SLC13A1: variants seen among roughly 807,000 people sequenced by gnomAD.
The protein encoded by SLC13A1 is solute carrier family 13 member 1.
SLC13A1 carries 65 observed loss-of-function variants against 70.0 expected under a neutral mutation model. The ratio of observed to expected loss-of-function variants is 0.93; its 90% CI spans 0.76 to 1.14. SLC13A1 has a LOEUF of 1.14. Among genes scored for constraint, SLC13A1 ranks in the 50% most tolerant of loss-of-function variants. The pLI is 0.00. For missense variants in SLC13A1, 726 were observed against 717.8 expected (o/e 1.01, Z -0.13); for synonymous variants, 275 against 250.5 (o/e 1.10, Z -0.92).
intron 6 of SLC13A1, among the ~76,000 whole-genome samples, chr7:123,157,351 G>A (rs1215239601): frequency 6.6e-6 from 1 of 152,044 alleles, no homozygotes; most frequent in Non-Finnish European, 1.5e-5. Flanking sequence ...TACATATTGT[G>A]AATTTGGATA....
chr7:123,176,256 A>G (rs1462331180), intron 2 of SLC13A1, among the ~76,000 whole-genome samples: 1 of 152,202 alleles, frequency 6.6e-6, no homozygotes, highest in Non-Finnish European at 1.5e-5. Flanking sequence ...CAGTCAGAAT[A>G]TTTGAGAAGA....
In SLC13A1 at chr7:123,128,832, G is replaced by C. The variant is rs28364204; in HGVS notation, c.1133+13C>G. The C allele has an allele frequency of 6.3e-7, 1 of 1,577,042 alleles. No homozygotes were observed. The highest frequency in any genetic ancestry group is 2.3e-5 in the East Asian group (1 of 44,440). On this transcript the variant is annotated intron_variant, in intron 10 of 14. Coordinates refer to ENST00000194130, the MANE Select transcript of SLC13A1 (RefSeq NM_022444.4). ...AACAGGAAGGGCTGACAAACATAAC[G>C]TGCAAAGCTTACTCTGAAAAAAGTG...
At chr7:123,167,883 A>G (rs1425534117) in intron 6 of SLC13A1, among the ~76,000 whole-genome samples, 3 of 152,236 alleles carry the variant, frequency 2.0e-5, no homozygotes, top group Non-Finnish European at 2.9e-5. Flanking sequence ...AATGAAAATC[A>G]GTCTATTAGG....
chr7:123,122,214 T>C (rs1467455177), intron 12 of SLC13A1, among the ~76,000 whole-genome samples: 1 of 152,096 alleles, frequency 6.6e-6, no homozygotes, highest in East Asian at 1.9e-4. Context: ...TCCAATAAGT[T>C]ATCAAGAAGA....
intron 14 of SLC13A1, 27 bp from the exon 15 acceptor site, chr7:123,115,682 A>T: frequency 1.9e-6 from 3 of 1,611,262 alleles, no homozygotes; most frequent in Non-Finnish European, 2.5e-6. Flanking sequence ...CATAAATGTC[A>T]GTGTCCCAGA....
chr7:123,167,382 G>T (rs562240018), intron 6 of SLC13A1, among the ~76,000 whole-genome samples: 1 of 152,014 alleles, frequency 6.6e-6, no homozygotes, highest in African/African-American at 2.4e-5. Flanking sequence ...TGTAGCTAAT[G>T]GCTTAAAACT....
intron 1 of SLC13A1, among the ~76,000 whole-genome samples, chr7:123,184,001 A>G (rs763042737): frequency 9.2e-5 from 14 of 151,634 alleles, no homozygotes; most frequent in Non-Finnish European, 1.9e-4. Context: ...CTAAGGCACC[A>G]TATCTGCATG....
chr7:123,172,655 C>T (rs984536952), intron 2 of SLC13A1, among the ~76,000 whole-genome samples: 9 of 152,090 alleles, frequency 5.9e-5, no homozygotes, highest in African/African-American at 9.7e-5. Flanking sequence ...AAAACAAATA[C>T]CCTCAAATGA....
At chr7:123,179,021 A>G (rs1480334826) in intron 2 of SLC13A1, among the ~76,000 whole-genome samples, 1 of 152,038 alleles carries the variant, frequency 6.6e-6, no homozygotes, top group Non-Finnish European at 1.5e-5. Flanking sequence ...GACAAACTAG[A>G]GTTAGTTTCA....
At chr7:123,155,346 T>C (rs1794675541) in intron 6 of SLC13A1, among the ~76,000 whole-genome samples, 1 of 151,946 alleles carries the variant, frequency 6.6e-6, no homozygotes, top group Non-Finnish European at 1.5e-5. Flanking sequence ...CATTTATACT[T>C]TATTTTATAT....
intron 8 of SLC13A1, among the ~76,000 whole-genome samples, chr7:123,130,684 C>A (rs745414364): frequency 2.0e-5 from 3 of 152,040 alleles, no homozygotes; most frequent in African/African-American, 4.8e-5. Flanking sequence ...ACATAACAAA[C>A]CTGCACATCC....
At chr7:123,174,870 G>A (rs1795397542) in intron 2 of SLC13A1, among the ~76,000 whole-genome samples, 1 of 151,736 alleles carries the variant, frequency 6.6e-6, no homozygotes, top group Non-Finnish European at 1.5e-5. Flanking sequence ...ATTTAACCTG[G>A]AATGACCCTC....
chr7:123,195,926 G>T (rs1383072581), intron 1 of SLC13A1, among the ~76,000 whole-genome samples: 3 of 151,938 alleles, frequency 2.0e-5, no homozygotes, highest in African/African-American at 7.2e-5. Flanking sequence ...ATAATATATT[G>T]TTGTTTGATT....
chr7:123,154,844 T>A (rs1270198448), intron 6 of SLC13A1, among the ~76,000 whole-genome samples: 1 of 152,074 alleles, frequency 6.6e-6, no homozygotes, highest in African/African-American at 2.4e-5. Flanking sequence ...CCTAGTTATT[T>A]TTTCTCTAGA....
chr7:123,197,667 C>T (rs1585420372), intron 1 of SLC13A1, among the ~76,000 whole-genome samples: 1 of 152,018 alleles, frequency 6.6e-6, no homozygotes, highest in East Asian at 1.9e-4. Context: ...TGAGTTTTAA[C>T]AAATGAGTTG....
intron 12 of SLC13A1, among the ~76,000 whole-genome samples, chr7:123,122,218 A>G (rs1329820998): frequency 6.6e-6 from 1 of 152,154 alleles, no homozygotes; most frequent in Non-Finnish European, 1.5e-5. Context: ...ATAAGTTATC[A>G]AGAAGAGAAG....
intron 8 of SLC13A1, among the ~76,000 whole-genome samples, chr7:123,132,482 C>T (rs1420010611): frequency 6.6e-6 from 1 of 152,116 alleles, no homozygotes; most frequent in Non-Finnish European, 1.5e-5. Context: ...AGTGATTCTC[C>T]TGCCTCAGCC....
intron 1 of SLC13A1, among the ~76,000 whole-genome samples, chr7:123,183,853 T>G (rs905564535): frequency 6.6e-6 from 1 of 152,180 alleles, no homozygotes; most frequent in Non-Finnish European, 1.5e-5. Flanking sequence ...AATCCCTGGA[T>G]TCATAACCCA....
chr7:123,124,508 C>A (rs1793494778), intron 11 of SLC13A1, among the ~76,000 whole-genome samples: 1 of 152,192 alleles, frequency 6.6e-6, no homozygotes, highest in Non-Finnish European at 1.5e-5. Context: ...AACACAACTA[C>A]ATAAATCCCA....
Sources: allele counts gnomAD v4.1 joint callset (sites outside exome capture counted in the v4.1 genomes callset), GRCh38; gene constraint gnomAD v4.1.1; transcripts MANE v1.5; gene names NCBI Gene and HGNC (gene_info 2026-07-23, HGNC 2026-07-21).